Variants in HS6ST1 observed in about 807,000 individuals in gnomAD.
HS6ST1 encodes heparan-sulfate 6-O-sulfotransferase 1.
A neutral mutation model predicts 25.2 loss-of-function variants in HS6ST1; 3 were observed. That is an observed-to-expected ratio of 0.12 (90% CI 0.05 to 0.31). The LOEUF (loss-of-function observed/expected upper bound fraction) is 0.31. HS6ST1 is among the 10% of genes least tolerant of loss of function. The pLI, the probability that HS6ST1 is intolerant of heterozygous loss-of-function variation, is 1.00. For missense variants in HS6ST1, 310 were observed against 609.6 expected (o/e 0.51, Z 5.18); for synonymous variants, 204 against 275.1 (o/e 0.74, Z 2.56).
intron 1 of HS6ST1, among the ~76,000 whole-genome samples, chr2:128,269,392 A>G (rs1405680134): frequency 6.6e-6 from 1 of 152,090 alleles, no homozygotes; most frequent in Non-Finnish European, 1.5e-5. Flanking sequence ...AGAGGAAGCC[A>G]TGACGTATAC....
At chr2:128,301,030 T>C (rs888467578) in intron 1 of HS6ST1, among the ~76,000 whole-genome samples, 3 of 152,252 alleles carry the variant, frequency 2.0e-5, no homozygotes, top group African/African-American at 7.2e-5. Context: ...TTGAGGAGTC[T>C]GGGCTTTTGG....
chr2:128,276,232 A>G (rs1350869494), intron 1 of HS6ST1, among the ~76,000 whole-genome samples: 1 of 152,070 alleles, frequency 6.6e-6, no homozygotes, highest in Non-Finnish European at 1.5e-5. Context: ...GGTTCAATCA[A>G]TTCTCCCGCC....
At chr2:128,299,310 T>C (rs8179790) in intron 1 of HS6ST1, among the ~76,000 whole-genome samples, 86,813 of 152,208 alleles carry the variant, frequency 0.57, 25,615 homozygotes, top group East Asian at 0.79. Flanking sequence ...GCTGCACCCT[T>C]GGACACAGGC....
Position 128,267,386 on chromosome 2 carries a change from C to G in HS6ST1, c.*776G>C, listed in dbSNP as rs1371180004. ...GCAGCATCCCTGGCCAAAGCCTCCC[C>G]ACTCCTGGGCTGCCAGTTGGCCCGA... On this transcript the variant is annotated 3_prime_UTR_variant, in exon 2 of 2. Coordinates refer to ENST00000259241, the MANE Select transcript of HS6ST1 (RefSeq NM_004807.3). 1.3e-5 allele frequency: 2 copies of G among 152,528 alleles called. No individual in the cohort carries two copies. Among genetic ancestry groups the G allele is most frequent in the Non-Finnish European group, 2.9e-5 (2 of 68,298 alleles). The allele number at this position is 152,528 out of a possible 1,614,324, so 9.4% of individuals were successfully genotyped here.
chr2:128,307,926 A>G (rs1054037370), intron 1 of HS6ST1, among the ~76,000 whole-genome samples: 2 of 152,214 alleles, frequency 1.3e-5, no homozygotes, highest in African/African-American at 4.8e-5. Flanking sequence ...AACCAAGCAG[A>G]GATCCGTCTG....
intron 1 of HS6ST1, among the ~76,000 whole-genome samples, chr2:128,292,807 G>C (rs1284829645): frequency 6.6e-6 from 1 of 152,130 alleles, no homozygotes; most frequent in Non-Finnish European, 1.5e-5. Flanking sequence ...GCAGCAGGAA[G>C]GGCAGGCAGG....
At chr2:128,294,882 T>A (rs1456298087) in intron 1 of HS6ST1, among the ~76,000 whole-genome samples, 1 of 152,024 alleles carries the variant, frequency 6.6e-6, no homozygotes, top group Non-Finnish European at 1.5e-5. Context: ...TGATTCTCCA[T>A]GGACACAGCC....
intron 1 of HS6ST1, among the ~76,000 whole-genome samples, chr2:128,311,631 TGCCACATGGGATGGTGATG>T (rs1694290735): frequency 6.6e-6 from 1 of 152,182 alleles, no homozygotes; most frequent in South Asian, 2.1e-4. Flanking sequence ...CCCCACAAAA[TGCCACATGGGATGGTGATG>T]GCACCCAGAG....
chr2:128,306,397 C>T (rs539648753), intron 1 of HS6ST1, among the ~76,000 whole-genome samples: 101 of 152,304 alleles, frequency 6.6e-4, no homozygotes, highest in African/African-American at 2.1e-3. Flanking sequence ...TGCTCCAGGA[C>T]GACACCCCCA....
At chr2:128,315,539 A>C (rs1229174935) in intron 1 of HS6ST1, among the ~76,000 whole-genome samples, 1 of 152,228 alleles carries the variant, frequency 6.6e-6, no homozygotes, top group Non-Finnish European at 1.5e-5. Context: ...GCAGAGCCAG[A>C]GTGAAGACAT....
chr2:128,295,975 G>C (rs751680760), intron 1 of HS6ST1, among the ~76,000 whole-genome samples: 14 of 152,206 alleles, frequency 9.2e-5, no homozygotes, highest in Non-Finnish European at 1.8e-4. Flanking sequence ...ACTCTGAGAG[G>C]TAATTAGGTC....
chr2:128,275,365 CAG>C (rs1222588699), intron 1 of HS6ST1, among the ~76,000 whole-genome samples: 1 of 152,040 alleles, frequency 6.6e-6, no homozygotes, highest in Admixed American at 6.5e-5. Context: ...ACAAAGTAAA[CAG>C]AGAATATCTA....
At chr2:128,288,322 G>A (rs2104922595) in intron 1 of HS6ST1, among the ~76,000 whole-genome samples, 1 of 152,288 alleles carries the variant, frequency 6.6e-6, no homozygotes, top group South Asian at 2.1e-4. Flanking sequence ...CTGCCGGGGT[G>A]TGCAGTATTT....
chr2:128,292,620 G>A (rs1465180855), intron 1 of HS6ST1, among the ~76,000 whole-genome samples: 1 of 152,126 alleles, frequency 6.6e-6, no homozygotes, highest in Non-Finnish European at 1.5e-5. Flanking sequence ...GGGCATGTGA[G>A]TGGGCAGGGA....
chr2:128,304,051 T>C (rs773951123), intron 1 of HS6ST1, among the ~76,000 whole-genome samples: 1 of 152,240 alleles, frequency 6.6e-6, no homozygotes, highest in Non-Finnish European at 1.5e-5. Flanking sequence ...CTTTGGGCTC[T>C]GGGACCTAAC....
intron 1 of HS6ST1, among the ~76,000 whole-genome samples, chr2:128,315,184 G>A (rs893858480): frequency 6.6e-5 from 10 of 152,208 alleles, no homozygotes; most frequent in Non-Finnish European, 1.2e-4. Context: ...ACAGGGACCC[G>A]CCAATGCTCT....
chr2:128,272,541 TACACAGCTGAGGGG>T (rs1257116557), intron 1 of HS6ST1, among the ~76,000 whole-genome samples: 64 of 152,162 alleles, frequency 4.2e-4, no homozygotes, highest in Middle Eastern at 3.4e-3. Flanking sequence ...GCATCCTCTC[TACACAGCTGAGGGG>T]ACACAGCTGA....
intron 1 of HS6ST1, among the ~76,000 whole-genome samples, chr2:128,309,038 C>T (rs1389801285): frequency 6.6e-6 from 1 of 152,230 alleles, no homozygotes; most frequent in Non-Finnish European, 1.5e-5. Flanking sequence ...ACCTGAGCTG[C>T]AGAAGCCTGT....
At position 128,287,066 on chromosome 2, in the gene HS6ST1, A is replaced by G. The variant is rs111803198; in HGVS notation, c.528-18196T>C. Among the ~76,000 whole-genome samples the G allele has an allele frequency of 9.9e-5, 15 of 152,080 alleles. 2 individuals are homozygous for G. The highest frequency in any genetic ancestry group is 4.2e-4 in the South Asian group (2 of 4,808). ...AAAGCCCCCTGACCTGCATGATCTC[A>G]TTGCGCCCTGACAAGGAACCCTCTG... is the stretch of plus-strand genomic sequence containing the variant. On this transcript the variant is annotated intron_variant, in intron 1 of 1. Transcript: ENST00000259241.
Sources: gnomAD v4.1 joint callset for allele counts (sites outside exome capture counted in the v4.1 genomes callset) on GRCh38, gnomAD v4.1.1 for gene constraint, MANE v1.5 for transcripts, NCBI Gene and HGNC (gene_info 2026-07-23, HGNC 2026-07-21) for gene names.